Variants in GRID2 observed in about 807,000 individuals in gnomAD.
GRID2 encodes the protein glutamate receptor ionotropic, delta-2.
Under a neutral mutation model 114.8 loss-of-function variants are expected in GRID2, and 33 were observed. The observed-to-expected ratio is 0.29, with a 90% confidence interval of 0.22 to 0.38. The LOEUF (loss-of-function observed/expected upper bound fraction) is 0.38, where lower values mean the gene tolerates loss of function less well. Ranked by LOEUF, GRID2 falls within the 10% of genes least tolerant of loss-of-function variation. The pLI, the probability that GRID2 is intolerant of heterozygous loss-of-function variation, is 1.00. For synonymous variants in GRID2, 505 were observed against 449.9 expected (o/e 1.12, Z -1.55); for missense variants, 1,184 against 1,257.7 (o/e 0.94, Z 0.89).
At chr4:93,073,837 G>C (rs74941363) in intron 2 of GRID2, among the ~76,000 whole-genome samples, 2,611 of 152,244 alleles carry the variant, frequency 0.017, 38 homozygotes, top group Non-Finnish European at 0.022. Flanking sequence ...ATGAAAGGTG[G>C]TGTTTCAAAG....
chr4:92,854,616 G>A (rs1396747918), intron 2 of GRID2, among the ~76,000 whole-genome samples: 1 of 149,750 alleles, frequency 6.7e-6, no homozygotes, highest in African/African-American at 2.4e-5. Flanking sequence ...TAGAATCTAC[G>A]TAAACAAGAT....
At chr4:93,504,623 A>G (rs1484821189) in intron 12 of GRID2, among the ~76,000 whole-genome samples, 1 of 152,062 alleles carries the variant, frequency 6.6e-6, no homozygotes, top group Non-Finnish European at 1.5e-5. Context: ...ATTTGTGTAT[A>G]CCTATGATAA....
chr4:92,646,260 C>CT (rs1731616882), intron 2 of GRID2, among the ~76,000 whole-genome samples: 1 of 152,180 alleles, frequency 6.6e-6, no homozygotes, highest in South Asian at 2.1e-4. Context: ...CTGTTAAAGT[C>CT]TTTAGCCCAA....
chr4:92,571,788 G>A (rs1727636903), intron 1 of GRID2, among the ~76,000 whole-genome samples: 1 of 152,056 alleles, frequency 6.6e-6, no homozygotes, highest in South Asian at 2.1e-4. Flanking sequence ...TGACTACTGG[G>A]TACATAACAA....
chr4:92,732,198 A>G (rs1177396961), intron 2 of GRID2, among the ~76,000 whole-genome samples: 1 of 151,896 alleles, frequency 6.6e-6, no homozygotes, highest in Non-Finnish European at 1.5e-5. Context: ...GTGAAAATGG[A>G]CCTAGAGAAT....
In GRID2 at chr4:92,482,599, A is replaced by C. The variant is rs142507093; in HGVS notation, c.89-107532A>C. Among the ~76,000 whole-genome samples the C allele has an allele frequency of 7.6e-4, 115 of 152,316 alleles. 1 individual carries two copies. The East Asian group carries it at 0.02, about 26-fold the overall frequency. ...TAGAAAATACAATAGTTACCCAATT[A>C]AAATCTACTTTTTTTAAGACGAGAT... On this transcript the variant is annotated intron_variant, in intron 1 of 15. Coordinates refer to ENST00000282020, the MANE Select transcript of GRID2 (RefSeq NM_001510.4).
At chr4:92,534,305 A>G (rs1037049510) in intron 1 of GRID2, among the ~76,000 whole-genome samples, 1 of 152,122 alleles carries the variant, frequency 6.6e-6, no homozygotes, top group African/African-American at 2.4e-5. Flanking sequence ...AAGTGACTGG[A>G]TGATATTTTG....
intron 2 of GRID2, among the ~76,000 whole-genome samples, chr4:93,020,409 T>G (rs1165735018): frequency 6.6e-6 from 1 of 152,170 alleles, no homozygotes. Context: ...TATACAGTTA[T>G]TAATTAATAA....
intron 2 of GRID2, among the ~76,000 whole-genome samples, chr4:92,986,569 A>G (rs1270550253): frequency 6.6e-6 from 1 of 152,118 alleles, no homozygotes; most frequent in Non-Finnish European, 1.5e-5. Context: ...ACTGGCGAAT[A>G]GTGTAGCAAT....
At chr4:93,220,080 A>G in intron 6 of GRID2, among the ~76,000 whole-genome samples, 1 of 152,104 alleles carries the variant, frequency 6.6e-6, no homozygotes, top group Admixed American at 6.6e-5. Flanking sequence ...TGTCCCAATT[A>G]CTGAAAGGAA....
chr4:92,936,263 G>T (rs1292002212), intron 2 of GRID2, among the ~76,000 whole-genome samples: 1 of 145,898 alleles, frequency 6.9e-6, no homozygotes, highest in Non-Finnish European at 1.5e-5. Flanking sequence ...TTAATTAATA[G>T]CTAAATAGGC....
chr4:93,076,486 T>TA (rs1729313603), intron 2 of GRID2, among the ~76,000 whole-genome samples: 1 of 152,166 alleles, frequency 6.6e-6, no homozygotes, highest in Non-Finnish European at 1.5e-5. Flanking sequence ...TTCTCTTATA[T>TA]TCTTTACACT....
At chr4:93,606,754 T>C (rs1740279638) in intron 13 of GRID2, among the ~76,000 whole-genome samples, 1 of 152,140 alleles carries the variant, frequency 6.6e-6, no homozygotes, top group African/African-American at 2.4e-5. Context: ...TAGGAATAAA[T>C]CAGTTATTAG....
chr4:93,200,747 T>C (rs1742015689), intron 4 of GRID2, among the ~76,000 whole-genome samples: 1 of 152,208 alleles, frequency 6.6e-6, no homozygotes, highest in South Asian at 2.1e-4. Context: ...TTCAGTAAAA[T>C]TTTAGAACCT....
chr4:93,625,071 T>C (rs997378063), intron 13 of GRID2, among the ~76,000 whole-genome samples: 3 of 152,222 alleles, frequency 2.0e-5, no homozygotes, highest in African/African-American at 4.8e-5. Flanking sequence ...ACAGGAGATA[T>C]AGCTCATCAG....
At chr4:93,512,626 A>G (rs959623420) in intron 12 of GRID2, among the ~76,000 whole-genome samples, 9 of 152,156 alleles carry the variant, frequency 5.9e-5, no homozygotes, top group East Asian at 1.9e-4. Context: ...AGAAACTACT[A>G]GAGGGAACAT....
At chr4:92,821,688 C>T (rs531644256) in intron 2 of GRID2, among the ~76,000 whole-genome samples, 1 of 152,152 alleles carries the variant, frequency 6.6e-6, no homozygotes, top group African/African-American at 2.4e-5. Flanking sequence ...ATAGCCCACC[C>T]CCTCAATAAG....
At chr4:92,444,691 T>A (rs960928990) in intron 1 of GRID2, among the ~76,000 whole-genome samples, 7 of 152,172 alleles carry the variant, frequency 4.6e-5, no homozygotes, top group African/African-American at 1.7e-4. Context: ...AGGGGGCGTT[T>A]GTCTTCTCTT....
chr4:92,622,181 C>A (rs548252799), intron 2 of GRID2, among the ~76,000 whole-genome samples: 124 of 151,778 alleles, frequency 8.2e-4, no homozygotes, highest in African/African-American at 2.8e-3. Context: ...TAAGAATTAA[C>A]CTGAGATTTC....
Sources: gnomAD v4.1 joint callset for allele counts (sites outside exome capture counted in the v4.1 genomes callset) on GRCh38, gnomAD v4.1.1 for gene constraint, MANE v1.5 for transcripts, NCBI Gene and HGNC (gene_info 2026-07-23, HGNC 2026-07-21) for gene names.